Variants in AGBL1 observed in about 807,000 individuals in gnomAD.
AGBL1 encodes cytosolic carboxypeptidase 4.
AGBL1 carries 130 observed loss-of-function variants against 118.9 expected under a neutral mutation model. The ratio of observed to expected loss-of-function variants is 1.09; its 90% CI spans 0.95 to 1.26. The LOEUF (loss-of-function observed/expected upper bound fraction) is 1.26, where lower values mean the gene tolerates loss of function less well. Ranked by LOEUF, AGBL1 falls within the 50% of genes most tolerant of loss-of-function variation. The probability of loss-of-function intolerance (pLI) is 0.00; values close to 1 mark genes in which losing one functional copy is unlikely to be tolerated. For missense variants in AGBL1, 1,584 were observed against 1,298.1 expected, an observed-to-expected ratio of 1.22 and a Z score of -3.38; for synonymous variants, 555 against 478.9, an observed-to-expected ratio of 1.16 and a Z score of -2.08.
intron 18 of AGBL1, among the ~76,000 whole-genome samples, chr15:86,508,340 A>G (rs1173667623): frequency 1.3e-5 from 2 of 152,090 alleles, no homozygotes; most frequent in Non-Finnish European, 2.9e-5. Flanking sequence ...TTCTGTAACA[A>G]AACAGTACAA....
At chr15:86,754,220 C>A (rs1341056672) in intron 22 of AGBL1, among the ~76,000 whole-genome samples, 1 of 152,068 alleles carries the variant, frequency 6.6e-6, no homozygotes, top group Non-Finnish European at 1.5e-5. Context: ...GGGATTCGTG[C>A]TTACTCCAAG....
At chr15:86,361,992 C>T (rs941114738) in intron 17 of AGBL1, among the ~76,000 whole-genome samples, 2 of 152,066 alleles carry the variant, frequency 1.3e-5, no homozygotes, top group African/African-American at 4.8e-5. Context: ...TGTTTTCCAA[C>T]TGTTTTGTAG....
At chr15:86,287,582 C>A (rs1225648520) in intron 16 of AGBL1, among the ~76,000 whole-genome samples, 1 of 152,102 alleles carries the variant, frequency 6.6e-6, no homozygotes, top group African/African-American at 2.4e-5. Context: ...TTCCCAACAC[C>A]ATTTATTGAA....
rs148131020 is a variant in AGBL1 at position 86,751,588 on chromosome 15, A to G, written c.3158+77152A>G. On this transcript the variant is annotated intron_variant, in intron 22 of 22. Coordinates refer to ENST00000614907, the MANE Select transcript of AGBL1 (RefSeq NM_001386094.1). Reference sequence around the variant, plus strand: ...AAAGAAACTATCAACAGAGCATTTTATATATTGTTAGATATTGCTAAATTA... The same window carrying G: ...AAAGAAACTATCAACAGAGCATTTTGTATATTGTTAGATATTGCTAAATTA... 3.1e-3 allele frequency among the ~76,000 whole-genome samples: 467 copies of G among 152,216 alleles called. 2 individuals carry two copies. Among genetic ancestry groups the G allele is most frequent in the African/African-American group, 0.011 (441 of 41,558 alleles).
intron 6 of AGBL1, among the ~76,000 whole-genome samples, chr15:86,225,667 A>G (rs1204674438): frequency 6.6e-6 from 1 of 152,074 alleles, no homozygotes; most frequent in Non-Finnish European, 1.5e-5. Context: ...TCTTAGCTTA[A>G]TGTTTTTACT....
At chr15:86,997,749 A>G (rs1050951445) in intron 24 of AGBL1, among the ~76,000 whole-genome samples, 2 of 152,092 alleles carry the variant, frequency 1.3e-5, no homozygotes, top group Non-Finnish European at 2.9e-5. Context: ...CATTCTTAAT[A>G]TCTCTGCTCC....
intron 21 of AGBL1, among the ~76,000 whole-genome samples, chr15:86,662,264 G>C (rs553130474): frequency 1.9e-4 from 29 of 152,358 alleles, no homozygotes; most frequent in African/African-American, 6.0e-4. Flanking sequence ...TAGGGAAAAA[G>C]TGTCTGAAAA....
chr15:86,996,654 T>C (rs1464235398), intron 24 of AGBL1, among the ~76,000 whole-genome samples: 1 of 152,180 alleles, frequency 6.6e-6, no homozygotes, highest in Non-Finnish European at 1.5e-5. Context: ...TTTGATTGAT[T>C]CTATTATTAC....
chr15:86,378,489 G>T (rs566313260), intron 17 of AGBL1, among the ~76,000 whole-genome samples: 86 of 152,154 alleles, frequency 5.7e-4, no homozygotes, highest in African/African-American at 1.9e-3. Context: ...CAATCACTCA[G>T]CCAGCCCTGG....
At chr15:86,597,727 G>T (rs539477032) in intron 21 of AGBL1, among the ~76,000 whole-genome samples, 15 of 152,236 alleles carry the variant, frequency 9.9e-5, no homozygotes, top group Admixed American at 1.3e-4. Flanking sequence ...TATCACTTGT[G>T]TTTGGCAGAG....
intron 17 of AGBL1, among the ~76,000 whole-genome samples, chr15:86,363,242 G>T (rs994970747): frequency 6.6e-6 from 1 of 152,124 alleles, no homozygotes; most frequent in Non-Finnish European, 1.5e-5. Flanking sequence ...ATCAATTTTT[G>T]TGTGGGCAGA....
rs181768563 is a variant in AGBL1 at position 86,231,005 on chromosome 15, G to A, written c.526+6054G>A. ...GGAAACTGAGGACCAGAGAGAGGGC[G>A]TGATCCACCTAGATCTCTGAGACTT... On this transcript the variant is annotated intron_variant, in intron 6 of 22. Coordinates refer to ENST00000614907, the MANE Select transcript of AGBL1 (RefSeq NM_001386094.1). Among the ~76,000 whole-genome samples the A allele has an allele frequency of 2.7e-3, 411 of 152,242 alleles. 3 individuals carry two copies. The highest frequency in any genetic ancestry group is 6.8e-3 in the African/African-American group (283 of 41,538).
At chr15:86,411,468 T>C (rs1390228123) in intron 18 of AGBL1, among the ~76,000 whole-genome samples, 2 of 152,164 alleles carry the variant, frequency 1.3e-5, no homozygotes, top group African/African-American at 4.8e-5. Context: ...AGGCAGCATA[T>C]ATACTTTGAT....
intron 22 of AGBL1, among the ~76,000 whole-genome samples, chr15:86,860,247 A>T (rs1056917787): frequency 3.3e-5 from 5 of 152,078 alleles, no homozygotes; most frequent in African/African-American, 1.2e-4. Context: ...GAGATGACGC[A>T]TGCATGGCTC....
intron 18 of AGBL1, among the ~76,000 whole-genome samples, chr15:86,497,326 T>C (rs2082866794): frequency 6.6e-6 from 1 of 152,046 alleles, no homozygotes; most frequent in South Asian, 2.1e-4. Context: ...TTCATTTTCA[T>C]TGGAATGATA....
intron 18 of AGBL1, among the ~76,000 whole-genome samples, chr15:86,451,620 T>A (rs1415951137): frequency 6.6e-6 from 1 of 152,192 alleles, no homozygotes; most frequent in Non-Finnish European, 1.5e-5. Flanking sequence ...AAAACCCAGT[T>A]GCTGCTACCT....
intron 5 of AGBL1, among the ~76,000 whole-genome samples, chr15:86,180,139 G>T (rs541687740): frequency 6.6e-6 from 1 of 151,958 alleles, no homozygotes; most frequent in African/African-American, 2.4e-5. Flanking sequence ...CTATAGATTC[G>T]TTGCACTCCC....
rs1190838475 is a variant in AGBL1 at position 86,912,724 on chromosome 15, A to G, written c.*5430A>G. 6.6e-6 allele frequency: 1 copy of G among 152,228 alleles called. No individual in the cohort carries two copies. Among genetic ancestry groups the G allele is most frequent in the Non-Finnish European group, 1.5e-5 (1 of 68,042 alleles). 9.4% of individuals were successfully genotyped at this position (152,228 alleles called of 1,614,324 possible). On this transcript the variant is annotated 3_prime_UTR_variant, in exon 23 of 23. Coordinates refer to ENST00000614907, the MANE Select transcript of AGBL1 (RefSeq NM_001386094.1). ...AAGGAGCTCCCAGGAAATGCCTGAC[A>G]TAAGTCATCCTTGTTAGGGCCACAG...
At chr15:86,555,682 G>A (rs1436486095) in intron 21 of AGBL1, among the ~76,000 whole-genome samples, 1 of 152,102 alleles carries the variant, frequency 6.6e-6, no homozygotes, top group African/African-American at 2.4e-5. Flanking sequence ...CTGAGATTGG[G>A]CATCAAGAGA....
Sources: allele counts gnomAD v4.1 joint callset (sites outside exome capture counted in the v4.1 genomes callset), GRCh38; gene constraint gnomAD v4.1.1; transcripts MANE v1.5; gene names NCBI Gene and HGNC (gene_info 2026-07-23, HGNC 2026-07-21).